The following ANK3 variants were observed in gnomAD, a reference collection of about 807,000 sequenced individuals.
The protein encoded by ANK3 is ankyrin-3.
ANK3 carries 57 observed loss-of-function variants against 370.9 expected under a neutral mutation model. The ratio of observed to expected loss-of-function variants is 0.15; its 90% CI spans 0.12 to 0.19. The LOEUF (loss-of-function observed/expected upper bound fraction) is 0.19, where lower values mean the gene tolerates loss of function less well. Among genes scored for constraint, ANK3 ranks in the 10% least tolerant of loss-of-function variants. The pLI is 1.00. For missense variants in ANK3, 4,439 were observed against 5,302.1 expected (o/e 0.84, Z 5.06); for synonymous variants, 1,929 against 1,946.3 (o/e 0.99, Z 0.23).
intron 1 of ANK3, among the ~76,000 whole-genome samples, chr10:60,637,519 T>C (rs918069246): frequency 2.6e-5 from 4 of 152,224 alleles, no homozygotes; most frequent in African/African-American, 9.6e-5. Context: ...TTCGAACTAA[T>C]AATTCCACCT....
chr10:60,412,096 G>A (rs1002599908), intron 2 of ANK3, among the ~76,000 whole-genome samples: 1 of 152,192 alleles, frequency 6.6e-6, no homozygotes, highest in African/African-American at 2.4e-5. Context: ...TGCTGGTTAG[G>A]AAGCAAGTGG....
chr10:60,473,887 T>A (rs1333497033), intron 2 of ANK3, among the ~76,000 whole-genome samples: 1 of 149,338 alleles, frequency 6.7e-6, no homozygotes, highest in East Asian at 2.0e-4. Context: ...ATCAGTACTT[T>A]GGAAGGCCAA....
chr10:60,070,510 G>A lies in ANK3; in HGVS notation c.10371C>T (p.Arg3457=). Residue 3457 remains arginine (R), a synonymous_variant, in exon 37 of 44, where the codon CGC becomes CGT. Transcript: ENST00000280772. This position sits in a 1 kb window ranked among gnomAD's most constrained non-coding sequence, Gnocchi z 5.7. ...CTTCAAGTTTACTTTGGCTAAAAGA[G>A]CGGTCAGCTGGCTTCAGAATGCCCT... ...NTEGILKPAD[R]SFSQSKLEVI... is the part of the protein sequence containing the mutation. 6.2e-7 allele frequency: 1 copy of A among 1,614,148 alleles called. No individual in the cohort carries two copies. Among genetic ancestry groups the A allele is most frequent in the South Asian group, 1.1e-5 (1 of 91,082 alleles).
chr10:60,126,143 ACCAGTCACTATTGAAGGCCTG>A (rs2132153985), intron 25 of ANK3, among the ~76,000 whole-genome samples: 1 of 152,260 alleles, frequency 6.6e-6, no homozygotes, highest in Admixed American at 6.5e-5. Context: ...AGTCTTCTAA[ACCAGTCACTATTGAAGGCCTG>A]CCACTAGTCC....
At chr10:60,183,392 A>G (rs1011555672) in intron 17 of ANK3, among the ~76,000 whole-genome samples, 12 of 152,236 alleles carry the variant, frequency 7.9e-5, no homozygotes, top group Admixed American at 3.3e-4. Context: ...AAAAAAATCA[A>G]ACATTTTTCT....
Position 60,069,039 on chromosome 10 carries a change from A to T in ANK3, c.11842T>A (p.Ser3948Thr). Reference protein sequence around the residue: ...PEKGKAKQLPSKLPVKVRSTC... With the variant: ...PEKGKAKQLPTKLPVKVRSTC... The stretch of plus-strand genomic sequence containing the variant: ...GATCTTACCTTTACTGGCAACTTGG[A>T]TGGAAGCTGTTTGGCCTTGCCTTTC... The change falls in exon 37 of 44, where the codon TCC becomes ACC. Residue 3948 changes from serine to threonine, a missense_variant. By Grantham distance (58) the Ser-to-Thr change is moderately conservative (BLOSUM62 1). This residue lies in a region of ANK3 where 496 missense variants were observed against 529.3 expected (regional missense o/e 0.94). Coordinates refer to ENST00000280772, the MANE Select transcript of ANK3 (RefSeq NM_020987.5). The T allele has an allele frequency of 6.2e-7, 1 of 1,613,952 alleles. No individual in the cohort carries two copies. The highest frequency in any genetic ancestry group is 8.5e-7 in the Non-Finnish European group (1 of 1,179,962).
At chr10:60,616,173 G>A (rs902842165) in intron 1 of ANK3, among the ~76,000 whole-genome samples, 1 of 152,034 alleles carries the variant, frequency 6.6e-6, no homozygotes, top group Non-Finnish European at 1.5e-5. Flanking sequence ...TTCTATTTGA[G>A]CTTCCAATAA....
intron 2 of ANK3, among the ~76,000 whole-genome samples, chr10:60,433,140 T>C (rs1281272478): frequency 1.4e-5 from 2 of 139,422 alleles, no homozygotes; most frequent in African/African-American, 2.6e-5. Flanking sequence ...CAAAAAGACA[T>C]ACAAAGAACA....
At chr10:60,554,318 A>G (rs990578912) in intron 2 of ANK3, among the ~76,000 whole-genome samples, 2 of 152,168 alleles carry the variant, frequency 1.3e-5, no homozygotes, top group African/African-American at 4.8e-5. Context: ...GAACAGGGAC[A>G]GGACTGCACC....
chr10:60,387,023 G>C (rs2062458514), intron 1 of ANK3, among the ~76,000 whole-genome samples: 1 of 152,076 alleles, frequency 6.6e-6, no homozygotes, highest in African/African-American at 2.4e-5. Flanking sequence ...AGCCGGGCAG[G>C]GTGGCGGGTG....
chr10:60,321,196 C>G (rs1179896431), intron 1 of ANK3, among the ~76,000 whole-genome samples: 1 of 151,934 alleles, frequency 6.6e-6, no homozygotes, highest in Non-Finnish European at 1.5e-5. Context: ...TTGAGACCAG[C>G]CTGGCAGCAT....
intron 1 of ANK3, among the ~76,000 whole-genome samples, chr10:60,287,428 T>G (rs2040269221): frequency 6.6e-6 from 1 of 152,138 alleles, no homozygotes; most frequent in Admixed American, 6.6e-5. Flanking sequence ...TTGGCACTAG[T>G]TACTCTGCTG....
chr10:60,455,783 G>A (rs903461112), intron 2 of ANK3, among the ~76,000 whole-genome samples: 2 of 152,174 alleles, frequency 1.3e-5, no homozygotes, highest in African/African-American at 4.8e-5. Context: ...ATCAGCCAAT[G>A]TCAACTCAGT....
intron 8 of ANK3, among the ~76,000 whole-genome samples, chr10:60,228,159 T>C (rs1377784444): frequency 3.3e-5 from 5 of 152,200 alleles, no homozygotes; most frequent in Admixed American, 6.5e-5. Flanking sequence ...CTTTCTATCA[T>C]GCACCACTTA....
chr10:60,192,699 C>T (rs998276588), intron 16 of ANK3, among the ~76,000 whole-genome samples: 10 of 151,946 alleles, frequency 6.6e-5, no homozygotes, highest in East Asian at 3.9e-4. Flanking sequence ...AAAGGTGGGA[C>T]GGTAGGAGTG....
At chr10:60,405,661 A>G (rs1473196397) in intron 2 of ANK3, among the ~76,000 whole-genome samples, 5 of 152,226 alleles carry the variant, frequency 3.3e-5, no homozygotes, top group Non-Finnish European at 7.4e-5. Context: ...AGAAAAAAGT[A>G]AATAAATACC....
chr10:60,106,685 G>A (rs1475772130), intron 27 of ANK3, among the ~76,000 whole-genome samples: 1 of 152,084 alleles, frequency 6.6e-6, no homozygotes, highest in East Asian at 1.9e-4. Flanking sequence ...TTCTGTAAAA[G>A]TACTTGTTGG....
upstream of ANK3, among the ~76,000 whole-genome samples, chr10:60,394,243 A>G (rs1279233157): frequency 6.6e-6 from 1 of 151,290 alleles, no homozygotes; most frequent in African/African-American, 2.4e-5. Context: ...AAACTTGTCA[A>G]TGGTTATAAA....
chr10:60,086,965 G>C, intron 29 of ANK3, 81 bp from the exon 30 acceptor site: 19 of 505,520 alleles, frequency 3.8e-5, no homozygotes, highest in South Asian at 8.4e-5. Context: ...TTTTAAGTGA[G>C]AAGGAAAAAA....
Sources: gnomAD v4.1 joint callset for allele counts (sites outside exome capture counted in the v4.1 genomes callset) on GRCh38, gnomAD v4.1.1 for gene constraint, gnomAD v4.1.1 regional missense constraint, Gnocchi (gnomAD v3.1) non-coding constraint, MANE v1.5 for transcripts, NCBI Gene and HGNC (gene_info 2026-07-23, HGNC 2026-07-21) for gene names.